DAB1: variants seen among roughly 807,000 people sequenced by gnomAD.
The protein encoded by DAB1 is disabled homolog 1.
A neutral mutation model predicts 64.6 loss-of-function variants in DAB1; 15 were observed. The observed-to-expected ratio is 0.23, with a 90% CI of 0.16 to 0.36. DAB1 has a LOEUF of 0.36. Among genes scored for constraint, DAB1 ranks in the 10% least tolerant of loss-of-function variants. The pLI, the probability that DAB1 is intolerant of heterozygous loss-of-function variation, is 1.00. For missense variants in DAB1, 596 were observed against 706.7 expected (o/e 0.84, Z 1.78); for synonymous variants, 235 against 251.9 (o/e 0.93, Z 0.64).
chr1:57,418,775 A>G (rs1370680616), intron 1 of DAB1, among the ~76,000 whole-genome samples: 3 of 152,184 alleles, frequency 2.0e-5, no homozygotes, highest in Admixed American at 6.5e-5. Context: ...AATAAAAGCA[A>G]GCTTGCAATT....
At chr1:58,216,966 AC>A (rs1371924440) in intron 4 of DAB1, among the ~76,000 whole-genome samples, 2 of 152,188 alleles carry the variant, frequency 1.3e-5, no homozygotes, top group Non-Finnish European at 2.9e-5. Context: ...CCTACACAAC[AC>A]AAAGCGGGCT....
chr1:58,261,666 C>G (rs906321891), intron 4 of DAB1, among the ~76,000 whole-genome samples: 1 of 151,922 alleles, frequency 6.6e-6, no homozygotes, highest in Non-Finnish European at 1.5e-5. Context: ...GATTGCATAA[C>G]TCTAATAATA....
chr1:58,509,956 T>G (rs1206401037), intron 2 of DAB1, among the ~76,000 whole-genome samples: 4 of 151,980 alleles, frequency 2.6e-5, no homozygotes, highest in African/African-American at 9.7e-5. Context: ...ATAGGAAATA[T>G]GAACAAATCT....
At chr1:57,470,610 TAGG>T (rs1265915523) in intron 7 of DAB1, among the ~76,000 whole-genome samples, 1 of 152,192 alleles carries the variant, frequency 6.6e-6, no homozygotes. Context: ...TCTTGTCATG[TAGG>T]AGGATAGAAT....
intron 4 of DAB1, among the ~76,000 whole-genome samples, chr1:57,096,031 G>A (rs1654130447): frequency 6.6e-6 from 1 of 152,140 alleles, no homozygotes; most frequent in Non-Finnish European, 1.5e-5. Flanking sequence ...TTTTCTTCTT[G>A]CCAATCACCA....
rs1221505215 is a variant in DAB1 at position 57,111,607 on chromosome 1, C to T, written c.306+24936G>A. Reference sequence around the variant, plus strand: ...AGTGTCCCCTTATCAGAGACACCATCCCTGTCTCATCCCATCTAATTTTGC... The same window carrying T: ...AGTGTCCCCTTATCAGAGACACCATTCCTGTCTCATCCCATCTAATTTTGC... On this transcript the variant is annotated intron_variant, in intron 4 of 14. Transcript: ENST00000371236. Among the ~76,000 whole-genome samples, 3 of 152,138 alleles carry T rather than the reference C, an allele frequency of 2.0e-5. No homozygotes were observed. In the East Asian group the frequency reaches 5.8e-4, roughly 29 times the overall value.
chr1:58,163,537 A>G (rs1655659464), intron 4 of DAB1, among the ~76,000 whole-genome samples: 1 of 152,180 alleles, frequency 6.6e-6, no homozygotes, highest in Non-Finnish European at 1.5e-5. Context: ...TTTATGTTTG[A>G]AAATCTGCTG....
intron 7 of DAB1, among the ~76,000 whole-genome samples, chr1:57,527,929 G>A (rs897566235): frequency 3.3e-5 from 5 of 152,002 alleles, no homozygotes; most frequent in African/African-American, 1.2e-4. Context: ...TGAGCAAAAC[G>A]TCCCTCATAC....
chr1:57,945,019 A>G (rs1645163270), intron 5 of DAB1, among the ~76,000 whole-genome samples: 1 of 152,194 alleles, frequency 6.6e-6, no homozygotes, highest in Non-Finnish European at 1.5e-5. Context: ...TTGCTCCAAT[A>G]TAGAATGTCC....
At chr1:57,597,525 T>G (rs1373712972) in intron 7 of DAB1, among the ~76,000 whole-genome samples, 1 of 152,220 alleles carries the variant, frequency 6.6e-6, no homozygotes, top group Non-Finnish European at 1.5e-5. Context: ...CATCTTAAGA[T>G]TCTCTGGGCC....
chr1:57,818,172 G>A (rs928069373), intron 6 of DAB1, among the ~76,000 whole-genome samples: 1 of 152,116 alleles, frequency 6.6e-6, no homozygotes, highest in African/African-American at 2.4e-5. Flanking sequence ...GTGTTATAAT[G>A]ATGGTCAGTA....
chr1:57,028,902 T>C (rs1557581952), intron 9 of DAB1, among the ~76,000 whole-genome samples: 1 of 152,194 alleles, frequency 6.6e-6, no homozygotes, highest in Non-Finnish European at 1.5e-5. Context: ...TTGAAAAATT[T>C]GCAGCCTGAC....
At chr1:57,724,348 G>GGGGAAGGGA (rs1211007485) in intron 6 of DAB1, among the ~76,000 whole-genome samples, 1 of 144,468 alleles carries the variant, frequency 6.9e-6, no homozygotes, top group African/African-American at 2.6e-5. Flanking sequence ...GGGGAGGGGA[G>GGGGAAGGGA]GGGAAGGGAG....
chr1:57,069,494 A>G, intron 7 of DAB1, 69 bp from the exon 8 acceptor site: 1 of 1,310,068 alleles, frequency 7.6e-7, no homozygotes, highest in Non-Finnish European at 1.1e-6. Context: ...AAGCATTTGG[A>G]AATTAAGATA....
At chr1:58,444,653 A>T (rs768341685) in intron 3 of DAB1, among the ~76,000 whole-genome samples, 31 of 152,214 alleles carry the variant, frequency 2.0e-4, no homozygotes, top group Non-Finnish European at 2.4e-4. Context: ...AGTGATGCAC[A>T]TCTCTTGCAC....
At chr1:57,585,248 G>GAAAAAAAAA (rs61528761) in intron 7 of DAB1, among the ~76,000 whole-genome samples, 1 of 44,266 alleles carries the variant, frequency 2.3e-5, no homozygotes, top group African/African-American at 9.5e-5. Context: ...GACTCTTTCT[G>GAAAAAAAAA]AAAAAAAAAA....
intron 3 of DAB1, chr1:58,343,499 C>T (rs1334433970): frequency 6.6e-6 from 1 of 152,168 alleles, no homozygotes; most frequent in African/African-American, 2.4e-5. Flanking sequence ...AAGGTATCAG[C>T]TTACTGCTGC....
chr1:57,630,447 G>C (rs1389922006), intron 7 of DAB1, among the ~76,000 whole-genome samples: 1 of 152,106 alleles, frequency 6.6e-6, no homozygotes, highest in Non-Finnish European at 1.5e-5. Context: ...ATTTCTGCGA[G>C]AAAAAAATGT....
At chr1:57,022,983 T>A (rs532459142) in intron 11 of DAB1, among the ~76,000 whole-genome samples, 1 of 152,382 alleles carries the variant, frequency 6.6e-6, no homozygotes, top group South Asian at 2.1e-4. Flanking sequence ...ATTTAAAGAC[T>A]ATTTGAAAAA....
Sources: gnomAD v4.1 joint callset for allele counts (sites outside exome capture counted in the v4.1 genomes callset) on GRCh38, gnomAD v4.1.1 for gene constraint, MANE v1.5 for transcripts, NCBI Gene and HGNC (gene_info 2026-07-23, HGNC 2026-07-21) for gene names.